CDH4: variants seen among roughly 807,000 people sequenced by gnomAD.
CDH4 encodes cadherin 4, also known as cadherin-4.
A neutral mutation model predicts 86.0 loss-of-function variants in CDH4; 33 were observed. The observed-to-expected ratio is 0.38, with a 90% CI of 0.29 to 0.51. CDH4 has a LOEUF of 0.51. Ranked by LOEUF, CDH4 falls within the 20% of genes least tolerant of loss-of-function variation. The probability of loss-of-function intolerance (pLI) is 0.86; values close to 1 mark genes in which losing one functional copy is unlikely to be tolerated. For synonymous variants in CDH4, 555 were observed against 549.4 expected, an observed-to-expected ratio of 1.01 and a Z score of -0.14; for missense variants, 1,114 against 1,307.4, an observed-to-expected ratio of 0.85 and a Z score of 2.28.
At chr20:61,351,206 G>A (rs1027280489) in intron 2 of CDH4, among the ~76,000 whole-genome samples, 42 of 150,802 alleles carry the variant, frequency 2.8e-4, no homozygotes, top group African/African-American at 7.6e-4. Flanking sequence ...AGAAATATTC[G>A]GAGGAAGAAT....
At chr20:61,333,225 G>T (rs539232561) in intron 2 of CDH4, among the ~76,000 whole-genome samples, 1 of 151,678 alleles carries the variant, frequency 6.6e-6, no homozygotes. Flanking sequence ...GTGCAGACAC[G>T]CATGCACACA....
intron 2 of CDH4, among the ~76,000 whole-genome samples, chr20:61,667,925 T>C (rs1377624029): frequency 6.6e-6 from 1 of 152,162 alleles, no homozygotes; most frequent in East Asian, 1.9e-4. Flanking sequence ...CTGCCAAATG[T>C]CGCATGTGGC....
chr20:61,265,317 A>G (rs2084152054), intron 2 of CDH4, among the ~76,000 whole-genome samples: 1 of 149,152 alleles, frequency 6.7e-6, no homozygotes, highest in Non-Finnish European at 1.5e-5. Context: ...CACATACCCC[A>G]GTGGCTCCTT....
At chr20:61,371,798 T>A (rs1217996113) in intron 2 of CDH4, among the ~76,000 whole-genome samples, 2 of 152,142 alleles carry the variant, frequency 1.3e-5, no homozygotes, top group African/African-American at 4.8e-5. Context: ...CGGGCAAGAG[T>A]GTGCTGGTGC....
chr20:61,843,755 G>A (rs555812918), intron 4 of CDH4, among the ~76,000 whole-genome samples: 2 of 152,084 alleles, frequency 1.3e-5, no homozygotes, highest in South Asian at 4.2e-4. Flanking sequence ...TTCCGCTATG[G>A]CCCACTGTAT....
intron 7 of CDH4, among the ~76,000 whole-genome samples, chr20:61,882,016 G>A (rs377653881): frequency 1.3e-5 from 2 of 152,204 alleles, no homozygotes; most frequent in Admixed American, 6.5e-5. Flanking sequence ...GCCTGGAGCC[G>A]CCAGGAGGTG....
chr20:61,775,859 G>C (rs1254914230), intron 4 of CDH4, among the ~76,000 whole-genome samples: 1 of 152,194 alleles, frequency 6.6e-6, no homozygotes, highest in African/African-American at 2.4e-5. Flanking sequence ...AGGACTGAAA[G>C]GTGGGAATTT....
intron 2 of CDH4, among the ~76,000 whole-genome samples, chr20:61,515,326 G>C (rs2427153): frequency 0.62 from 94,437 of 151,974 alleles, 30,124 homozygotes; most frequent in African/African-American, 0.77. Context: ...CAGATTGTCA[G>C]AAAGGACGCC....
intron 2 of CDH4, among the ~76,000 whole-genome samples, chr20:61,586,432 A>G (rs994319967): frequency 7.2e-5 from 11 of 152,150 alleles, no homozygotes; most frequent in South Asian, 6.2e-4. Flanking sequence ...ATAACCAGCT[A>G]GGGCACCACA....
chr20:61,289,208 G>A (rs1276314873), intron 2 of CDH4, among the ~76,000 whole-genome samples: 1 of 152,212 alleles, frequency 6.6e-6, no homozygotes, highest in Non-Finnish European at 1.5e-5. Flanking sequence ...GGCCTGAACA[G>A]TGGCATGTGC....
chr20:61,415,211 G>C (rs996798376), intron 2 of CDH4, among the ~76,000 whole-genome samples: 5 of 152,186 alleles, frequency 3.3e-5, no homozygotes, highest in Non-Finnish European at 7.3e-5. Context: ...CCCCAGACCT[G>C]CCGAAGCAGG....
chr20:61,897,145 C>A (rs1172335697), intron 8 of CDH4, among the ~76,000 whole-genome samples: 1 of 152,168 alleles, frequency 6.6e-6, no homozygotes, highest in East Asian at 1.9e-4. Context: ...GCCTCTGTGT[C>A]CCCATGAACG....
intron 12 of CDH4, 110 bp downstream of exon 12, chr20:61,928,533 C>T: frequency 1.1e-6 from 1 of 869,828 alleles, no homozygotes; most frequent in Middle Eastern, 2.7e-4. Context: ...GACAGTCCTC[C>T]AACAGGACTG....
rs148357586 is a variant in CDH4 at position 61,440,781 on chromosome 20, C to A, written c.169+185844C>A. Among the ~76,000 whole-genome samples the A allele has an allele frequency of 7.9e-3, 1,197 of 152,290 alleles. 11 individuals are homozygous for A. The highest frequency in any genetic ancestry group is 0.014 in the Middle Eastern group (4 of 294). On this transcript the variant is annotated intron_variant, in intron 2 of 15. Transcript: ENST00000614565. The stretch of plus-strand genomic sequence containing the variant: ...TTGTTGGTGTCCTCAGCAGGTGTCC[C>A]GATGCCTCTGGTTGTCATGGCGCTT...
intron 2 of CDH4, among the ~76,000 whole-genome samples, chr20:61,631,727 C>G (rs577883711): frequency 7.0e-4 from 107 of 152,354 alleles, no homozygotes; most frequent in African/African-American, 2.5e-3. Context: ...CCATGAACCA[C>G]CCCTGAGGAG....
At chr20:61,265,164 A>G (rs946120349) in intron 2 of CDH4, among the ~76,000 whole-genome samples, 1 of 142,418 alleles carries the variant, frequency 7.0e-6, no homozygotes, top group Non-Finnish European at 1.5e-5. Flanking sequence ...TGGTTCCTTC[A>G]TTCAATCTTA....
intron 2 of CDH4, among the ~76,000 whole-genome samples, chr20:61,327,008 C>G (rs921589618): frequency 1.3e-5 from 2 of 152,102 alleles, no homozygotes; most frequent in Non-Finnish European, 2.9e-5. Flanking sequence ...CAAGATTTAC[C>G]TCCACCAGGC....
intron 9 of CDH4, among the ~76,000 whole-genome samples, chr20:61,922,930 T>A (rs768700796): frequency 8.5e-5 from 13 of 152,246 alleles, no homozygotes; most frequent in Admixed American, 3.3e-4. Flanking sequence ...CCTGCCTGTC[T>A]GTTATGAGGG....
rs538993194 is a variant in CDH4 at position 61,263,792 on chromosome 20, G to T, written c.169+8855G>T. ...GGGTGGGTTCCTTCTGGAGGCTCCTGGGGAGAATCTGTCTCCTTGTGCCTC... is the reference window on the plus strand; with the variant it reads ...GGGTGGGTTCCTTCTGGAGGCTCCTTGGGAGAATCTGTCTCCTTGTGCCTC... On this transcript the variant is annotated intron_variant, in intron 2 of 15. Transcript: ENST00000614565. Among the ~76,000 whole-genome samples, 28 of 152,178 alleles carry T rather than the reference G, an allele frequency of 1.8e-4. No homozygotes were observed. The East Asian group carries it at 5.4e-3, about 29-fold the overall frequency.
Sources: gnomAD v4.1 joint callset for allele counts (sites outside exome capture counted in the v4.1 genomes callset) on GRCh38, gnomAD v4.1.1 for gene constraint, MANE v1.5 for transcripts, NCBI Gene and HGNC (gene_info 2026-07-23, HGNC 2026-07-21) for gene names.